Variants in OPA1 observed in about 807,000 individuals in gnomAD.
OPA1 encodes the protein dynamin-like GTPase OPA1, mitochondrial.
A neutral mutation model predicts 152.9 loss-of-function variants in OPA1; 59 were observed. That is an observed-to-expected ratio of 0.39 (90% CI 0.31 to 0.48). The LOEUF (loss-of-function observed/expected upper bound fraction) is 0.48, where lower values mean the gene tolerates loss of function less well. Ranked by LOEUF, OPA1 falls within the 20% of genes least tolerant of loss-of-function variation. The pLI is 0.96. For synonymous variants in OPA1, 400 were observed against 389.9 expected, an observed-to-expected ratio of 1.03 and a Z score of -0.31; for missense variants, 1,008 against 1,216.8, an observed-to-expected ratio of 0.83 and a Z score of 2.55.
intron 6 of OPA1, among the ~76,000 whole-genome samples, chr3:193,619,169 G>C (rs1304348420): frequency 6.6e-6 from 1 of 152,198 alleles, no homozygotes; most frequent in African/African-American, 2.4e-5. Flanking sequence ...TAGTTTCGAG[G>C]GTTGTCCCCA....
chr3:193,645,874 A>G (rs891594385), intron 18 of OPA1, 74 bp downstream of exon 18: 29 of 1,182,876 alleles, frequency 2.5e-5, no homozygotes, highest in African/African-American at 4.6e-5. Context: ...TTCACTTAAA[A>G]CATCAGGTTT....
chr3:193,633,748 T>C (rs1211111448), intron 8 of OPA1, among the ~76,000 whole-genome samples: 2 of 152,174 alleles, frequency 1.3e-5, no homozygotes, highest in Non-Finnish European at 2.9e-5. Flanking sequence ...AATGAGGTAT[T>C]TTACACTTAC....
rs529802140 is a variant in OPA1 at position 193,697,196 on chromosome 3, T to C, written c.*2596T>C. 6.6e-6 allele frequency: 1 copy of C among 152,372 alleles called. No homozygotes were observed. Among genetic ancestry groups the C allele is most frequent in the African/African-American group, 2.4e-5 (1 of 41,594 alleles). 9.4% of individuals were successfully genotyped at this position (152,372 alleles called of 1,614,324 possible). ...TTTGTATTTATTTATTCTAGATGTA[T>C]GTATCTGAGGAAAGAAATCTGGTAT... On this transcript the variant is annotated 3_prime_UTR_variant, in exon 31 of 31. Transcript: ENST00000361510.
chr3:193,635,459 C>A lies in OPA1; in HGVS notation c.885C>A (p.Asn295Lys). ...QRILERLEKE[N>K]KELRKLVLQK... ...TCTTGGAACGATTAGAAAAGGAGAA[C>A]AAAGAATTGAGAAAATTAGTATTGC... is the stretch of plus-strand genomic sequence containing the variant. The change falls in exon 9 of 31, where the codon AAC becomes AAA. Residue 295 changes from asparagine (N) to lysine (K), a missense_variant. Coordinates refer to ENST00000361510, the MANE Select transcript of OPA1 (RefSeq NM_130837.3). The A allele has an allele frequency of 1.2e-6, 2 of 1,608,406 alleles. No individual in the cohort carries two copies. The highest frequency in any genetic ancestry group is 8.5e-7 in the Non-Finnish European group (1 of 1,175,120).
At chr3:193,691,988 A>G (rs1382756998) in intron 29 of OPA1, 75 bp from the exon 30 acceptor site, 11 of 875,300 alleles carry the variant, frequency 1.3e-5, no homozygotes, top group Non-Finnish European at 2.0e-5. Flanking sequence ...TATACCAACC[A>G]TTTAGTAAAT....
chr3:193,671,193 G>A (rs2109315960), intron 29 of OPA1, among the ~76,000 whole-genome samples: 1 of 152,296 alleles, frequency 6.6e-6, no homozygotes, highest in South Asian at 2.1e-4. Flanking sequence ...AGTGGATGAA[G>A]CCTGGCAATC....
In OPA1 at chr3:193,620,622, T is replaced by TTA. The variant is rs199646845; in HGVS notation, c.678+1687_678+1688insAT. On this transcript the variant is annotated intron_variant, in intron 6 of 30. Coordinates refer to ENST00000361510, the MANE Select transcript of OPA1 (RefSeq NM_130837.3). ...ATTTTCCCCATTAAAGACTTACCAATTTTTTTTTTAACTATTTGTTACACA... is the reference window on the plus strand; with the variant it reads ...ATTTTCCCCATTAAAGACTTACCAATTATTTTTTTTTAACTATTTGTTACACA... Among the ~76,000 whole-genome samples, 154 of 111,622 alleles carry TTA rather than the reference T, an allele frequency of 1.4e-3. 1 individual carries two copies. The East Asian group carries it at 0.031, about 22-fold the overall frequency. 73.2% of individuals were successfully genotyped at this position (111,622 alleles called of 152,430 possible).
In OPA1 at chr3:193,670,308, G is replaced by A. The variant is rs538910436; in HGVS notation, c.2983+3028G>A. ...AGAATATTGTATAGAGTGTTAAAAT[G>A]TTGATGCATTCATATTTTTGCCAGT... On this transcript the variant is annotated intron_variant, in intron 29 of 30. Transcript: ENST00000361510. Among the ~76,000 whole-genome samples the A allele has an allele frequency of 2.0e-5, 3 of 151,804 alleles. No homozygotes were observed. In the East Asian group the frequency reaches 5.8e-4, roughly 29 times the overall value.
At chr3:193,633,091 T>C (rs1294840755) in intron 8 of OPA1, among the ~76,000 whole-genome samples, 2 of 123,996 alleles carry the variant, frequency 1.6e-5, no homozygotes, top group Non-Finnish European at 3.6e-5. Flanking sequence ...TCACCTGTGC[T>C]CTGAGTGGCA....
At chr3:193,658,644 A>C (rs1714501941) in intron 23 of OPA1, among the ~76,000 whole-genome samples, 1 of 152,206 alleles carries the variant, frequency 6.6e-6, no homozygotes, top group African/African-American at 2.4e-5. Flanking sequence ...CACGCACCCC[A>C]TATGGTTAGC....
At chr3:193,684,279 A>T (rs1310726789) in intron 29 of OPA1, among the ~76,000 whole-genome samples, 1 of 152,150 alleles carries the variant, frequency 6.6e-6, no homozygotes, top group Non-Finnish European at 1.5e-5. Flanking sequence ...GCTTATCTAA[A>T]GATAAAATAC....
intron 13 of OPA1, 119 bp downstream of exon 13, chr3:193,643,168 T>A (rs1322919146): frequency 2.0e-5 from 19 of 933,644 alleles, no homozygotes; most frequent in Non-Finnish European, 2.9e-5. Context: ...GTAGAGCTTT[T>A]AAAAAAAAAT....
At chr3:193,665,088 G>A in intron 27 of OPA1, 92 bp downstream of exon 27, 1 of 743,664 alleles carries the variant, frequency 1.3e-6, no homozygotes, top group Non-Finnish European at 2.4e-6. Flanking sequence ...TTAATTTTAA[G>A]TCCTTTGATC....
At chr3:193,630,694 T>G (rs1731943618) in intron 7 of OPA1, among the ~76,000 whole-genome samples, 1 of 152,172 alleles carries the variant, frequency 6.6e-6, no homozygotes, top group South Asian at 2.1e-4. Flanking sequence ...TTTTCAGAAA[T>G]TAGACAATTA....
intron 1 of OPA1, among the ~76,000 whole-genome samples, chr3:193,594,983 A>G (rs1202405440): frequency 6.6e-6 from 1 of 152,246 alleles, no homozygotes; most frequent in African/African-American, 2.4e-5. Flanking sequence ...GAAGAACTAC[A>G]AAGACGGAGT....
chr3:193,645,647 T>C (rs1734462894), intron 17 of OPA1, 22 bp downstream of exon 17: 1 of 1,607,410 alleles, frequency 6.2e-7, no homozygotes, highest in Non-Finnish European at 8.5e-7. Context: ...TGGATTATAA[T>C]AACTTATTTT....
intron 29 of OPA1, among the ~76,000 whole-genome samples, chr3:193,676,010 C>T (rs1185120269): frequency 6.6e-6 from 1 of 152,222 alleles, no homozygotes; most frequent in African/African-American, 2.4e-5. Context: ...CACTCCTGTT[C>T]TGCCCACTCC....
intron 22 of OPA1, among the ~76,000 whole-genome samples, chr3:193,655,509 A>T (rs1713585787): frequency 6.6e-6 from 1 of 152,108 alleles, no homozygotes; most frequent in Non-Finnish European, 1.5e-5. Context: ...CAAAACAAAA[A>T]ACTACCTTAA....
At chr3:193,674,047 C>T (rs112501140) in intron 29 of OPA1, among the ~76,000 whole-genome samples, 1 of 152,228 alleles carries the variant, frequency 6.6e-6, no homozygotes, top group African/African-American at 2.4e-5. Flanking sequence ...CTCGCAGCAG[C>T]GTGCTCGGCC....
Sources: gnomAD v4.1 joint callset for allele counts (sites outside exome capture counted in the v4.1 genomes callset) on GRCh38, gnomAD v4.1.1 for gene constraint, MANE v1.5 for transcripts, NCBI Gene and HGNC (gene_info 2026-07-23, HGNC 2026-07-21) for gene names.